The following PHIP variants were observed in gnomAD, a reference collection of about 807,000 sequenced individuals.
PHIP encodes the protein PHIP subunit of CUL4-Ring ligase complex, also known as PH-interacting protein.
In PHIP, 54 loss-of-function variants were observed where a neutral mutation model predicts 236.8. That is an observed-to-expected ratio of 0.23 (90% CI 0.18 to 0.29). PHIP has a LOEUF of 0.29. Ranked by LOEUF, PHIP falls within the 10% of genes least tolerant of loss-of-function variation. PHIP has a pLI of 1.00. For missense variants in PHIP, 1,370 were observed against 2,190.8 expected, an observed-to-expected ratio of 0.63 and a Z score of 7.48; for synonymous variants, 756 against 718.9, an observed-to-expected ratio of 1.05 and a Z score of -0.83.
chr6:79,011,407 A>G (rs1254824673), intron 15 of PHIP, among the ~76,000 whole-genome samples: 2 of 151,882 alleles, frequency 1.3e-5, no homozygotes, highest in Non-Finnish European at 3.0e-5. Context: ...CACTTAAAAA[A>G]GAAAAACAAC....
intron 24 of PHIP, among the ~76,000 whole-genome samples, chr6:78,973,871 T>C (rs1445994102): frequency 6.6e-6 from 1 of 151,688 alleles, no homozygotes; most frequent in Non-Finnish European, 1.5e-5. Context: ...CCCAGATTCA[T>C]AAAGCAAGTC....
intron 7 of PHIP, among the ~76,000 whole-genome samples, chr6:79,033,061 T>C (rs1771749544): frequency 6.6e-6 from 1 of 151,956 alleles, no homozygotes; most frequent in Admixed American, 6.6e-5. Context: ...TTGAAAGGAA[T>C]CTTTTTTTTT....
At chr6:78,998,531 G>T in intron 17 of PHIP, 140 bp from the exon 18 acceptor site, 2 of 563,546 alleles carry the variant, frequency 3.5e-6, no homozygotes, top group South Asian at 5.8e-5. Flanking sequence ...ATAAATGATG[G>T]GAGTTAAAAA....
intron 16 of PHIP, among the ~76,000 whole-genome samples, chr6:79,002,580 CA>C (rs1161120262): frequency 6.6e-6 from 1 of 152,104 alleles, no homozygotes; most frequent in East Asian, 1.9e-4. Flanking sequence ...GCTACCCACC[CA>C]TTACTGTATA....
chr6:78,963,250 C>T lies in PHIP; in HGVS notation c.3382G>A (p.Val1128Ile). ...CTGGTACCTAGTTCTTCAGGAAATACAGCTGAAATAGAAAAGCAGATCATT... is the reference window on the plus strand; with the variant it reads ...CTGGTACCTAGTTCTTCAGGAAATATAGCTGAAATAGAAAAGCAGATCATT... ...WDMELIPNNA[V>I]FPEELGTSVP... is the part of the protein sequence containing the mutation. The change falls in exon 30 of 40, where the codon GTA becomes ATA. Residue 1128 changes from valine (V) to isoleucine (I), a missense_variant and splice_region_variant. By Grantham distance (29) the Val-to-Ile change is conservative (BLOSUM62 3). Coordinates refer to ENST00000275034, the MANE Select transcript of PHIP (RefSeq NM_017934.7). 2 of 1,597,718 alleles carry T rather than the reference C, an allele frequency of 1.3e-6. No homozygotes were observed. The highest frequency in any genetic ancestry group is 1.7e-6 in the Non-Finnish European group (2 of 1,173,800).
intron 25 of PHIP, 23 bp from the exon 26 acceptor site, chr6:78,970,196 G>A: frequency 6.3e-7 from 1 of 1,599,374 alleles, no homozygotes; most frequent in African/African-American, 1.3e-5. Flanking sequence ...GAGAATATAA[G>A]GAACCATCTT....
chr6:79,038,245 A>C (rs1483881218), intron 7 of PHIP, among the ~76,000 whole-genome samples: 1 of 152,248 alleles, frequency 6.6e-6, no homozygotes, highest in African/African-American at 2.4e-5. Context: ...GGGAAGGCCA[A>C]GGCCAAAGTG....
chr6:78,966,089 G>A (rs751440779), intron 27 of PHIP, 33 bp from the exon 28 acceptor site: 1 of 1,260,290 alleles, frequency 7.9e-7, no homozygotes, highest in Middle Eastern at 1.9e-4. Context: ...TCATCATTCT[G>A]AAATGCATGG....
intron 15 of PHIP, among the ~76,000 whole-genome samples, chr6:79,010,267 T>TGA (rs1333750191): frequency 1.3e-5 from 2 of 151,894 alleles, no homozygotes; most frequent in African/African-American, 4.8e-5. Context: ...CAGGTCACAC[T>TGA]GAGAACATGT....
chr6:78,993,298 C>T (rs1000129041), intron 19 of PHIP, among the ~76,000 whole-genome samples: 2 of 152,216 alleles, frequency 1.3e-5, no homozygotes, highest in African/African-American at 4.8e-5. Context: ...GAAGTAGCTG[C>T]AGCAATTTAT....
chr6:79,060,560 C>T lies in PHIP; in HGVS notation c.357G>A (p.Val119=), dbSNP rs1215864672. 2 of 1,613,614 alleles carry T rather than the reference C, an allele frequency of 1.2e-6. No homozygotes were observed. The highest frequency in any genetic ancestry group is 1.7e-6 in the Non-Finnish European group (2 of 1,179,822). Residue 119 remains valine (V), a synonymous_variant, in exon 6 of 40, where the codon GTG becomes GTA. Transcript: ENST00000275034. ...ACGCAGCCAGAGCAGATCCTTTCCA[C>T]ACAACATGCTTGCAGCCTATTAAAC... ...LRTNKSCKHV[V]WKGSALAALH...
chr6:78,966,774 G>A (rs925169070), intron 27 of PHIP, among the ~76,000 whole-genome samples: 2 of 152,158 alleles, frequency 1.3e-5, no homozygotes, highest in Admixed American at 1.3e-4. Flanking sequence ...TAAGAAAACT[G>A]TAAGTCACTT....
At position 78,983,024 on chromosome 6, in the gene PHIP, T is replaced by C; in HGVS notation, c.2631A>G (p.Ala877=). Reference sequence around the variant, plus strand: ...CTTCTTCTTCATCTGAACTGCTTTCTGCTTTCTTGGTTTTATTCTTAGGAA... The same window carrying C: ...CTTCTTCTTCATCTGAACTGCTTTCCGCTTTCTTGGTTTTATTCTTAGGAA... The part of the protein sequence containing the change: ...KKVPKNKTKK[A]ESSSDEEEES... The change falls in exon 23 of 40, where the codon GCA becomes GCG. Residue 877 remains alanine (A), a synonymous_variant. Transcript: ENST00000275034. The C allele has an allele frequency of 6.2e-7, 1 of 1,612,172 alleles. No individual in the cohort carries two copies. The highest frequency in any genetic ancestry group is 8.5e-7 in the Non-Finnish European group (1 of 1,178,928).
At chr6:78,980,655 G>C (rs1049138634) in intron 23 of PHIP, among the ~76,000 whole-genome samples, 12 of 152,072 alleles carry the variant, frequency 7.9e-5, no homozygotes, top group African/African-American at 2.9e-4. Flanking sequence ...TATATACACA[G>C]TTATCAAATA....
intron 6 of PHIP, among the ~76,000 whole-genome samples, chr6:79,055,049 G>A (rs1773002394): frequency 6.6e-6 from 1 of 151,560 alleles, no homozygotes; most frequent in Non-Finnish European, 1.5e-5. Flanking sequence ...ACATGTTTAA[G>A]AATCAGGATT....
chr6:78,994,859 T>C (rs888164302), intron 19 of PHIP, among the ~76,000 whole-genome samples: 2 of 152,210 alleles, frequency 1.3e-5, no homozygotes, highest in Non-Finnish European at 2.9e-5. Context: ...GTTAGCGTTT[T>C]TCAGCAGTAA....
At chr6:79,007,636 G>T (rs1235602762) in intron 15 of PHIP, among the ~76,000 whole-genome samples, 1 of 148,460 alleles carries the variant, frequency 6.7e-6, no homozygotes, top group Non-Finnish European at 1.5e-5. Flanking sequence ...TCTATTAGCA[G>T]GGTCAGTATG....
intron 15 of PHIP, among the ~76,000 whole-genome samples, chr6:79,014,420 T>C (rs1770741145): frequency 1.3e-5 from 2 of 151,762 alleles, no homozygotes; most frequent in African/African-American, 4.8e-5. Flanking sequence ...GAAAGGTATC[T>C]CTAATATACA....
chr6:79,053,376 G>A (rs551277051), intron 6 of PHIP, among the ~76,000 whole-genome samples: 95 of 152,226 alleles, frequency 6.2e-4, no homozygotes, highest in Non-Finnish European at 1.1e-3. Flanking sequence ...GAAAACAGAC[G>A]AGACAAAATG....
Sources: allele counts gnomAD v4.1 joint callset (sites outside exome capture counted in the v4.1 genomes callset), GRCh38; gene constraint gnomAD v4.1.1; transcripts MANE v1.5; gene names NCBI Gene and HGNC (gene_info 2026-07-23, HGNC 2026-07-21).